The following TLK1 variants were observed in gnomAD, a reference collection of about 807,000 sequenced individuals.
TLK1 encodes the protein tousled like kinase 1, also known as serine/threonine-protein kinase tousled-like 1.
A neutral mutation model predicts 105.3 loss-of-function variants in TLK1; 24 were observed. The ratio of observed to expected loss-of-function variants is 0.23; its 90% confidence interval spans 0.17 to 0.32. The LOEUF (loss-of-function observed/expected upper bound fraction) is 0.32, where lower values mean the gene tolerates loss of function less well. Ranked by LOEUF, TLK1 falls within the 10% of genes least tolerant of loss-of-function variation. The probability of loss-of-function intolerance (pLI) is 1.00; values close to 1 mark genes in which losing one functional copy is unlikely to be tolerated. For synonymous variants in TLK1, 321 were observed against 310.4 expected (o/e 1.03, Z -0.36); for missense variants, 558 against 910.5 (o/e 0.61, Z 4.98).
intron 6 of TLK1, among the ~76,000 whole-genome samples, chr2:171,055,815 A>G (rs1042401344): frequency 5.9e-5 from 9 of 151,930 alleles, no homozygotes; most frequent in Non-Finnish European, 1.3e-4. Context: ...TAAAAACAAG[A>G]TGTTTGAATA....
chr2:171,088,835 C>T (rs1689096028), intron 2 of TLK1, among the ~76,000 whole-genome samples: 1 of 152,164 alleles, frequency 6.6e-6, no homozygotes, highest in Non-Finnish European at 1.5e-5. Context: ...CAAGAAGCAA[C>T]CAGAGAATCT....
intron 3 of TLK1, among the ~76,000 whole-genome samples, chr2:171,067,706 A>G (rs1278790061): frequency 2.0e-5 from 3 of 152,046 alleles, no homozygotes; most frequent in South Asian, 2.1e-4. Flanking sequence ...GTGGTTTGCT[A>G]TAACCATCAA....
At chr2:171,089,308 T>C (rs912134802) in intron 2 of TLK1, among the ~76,000 whole-genome samples, 10 of 152,258 alleles carry the variant, frequency 6.6e-5, no homozygotes, top group African/African-American at 2.4e-4. Flanking sequence ...GTTTTTCTTC[T>C]TGGCTACTGC....
intron 12 of TLK1, among the ~76,000 whole-genome samples, chr2:171,027,227 A>G (rs534168375): frequency 1.3e-5 from 2 of 152,134 alleles, no homozygotes; most frequent in Non-Finnish European, 2.9e-5. Context: ...ACTATCTCCA[A>G]TTAGTTCACT....
Position 171,055,130 on chromosome 2 carries a change from C to T in TLK1, c.592G>A (p.Asp198Asn). 2.0e-6 allele frequency: 3 copies of T among 1,504,444 alleles called. No individual in the cohort carries two copies. The highest frequency in any genetic ancestry group is 2.6e-6 in the Non-Finnish European group (3 of 1,133,538). 93.2% of individuals were successfully genotyped at this position (1,504,444 alleles called of 1,614,324 possible). The change falls in exon 7 of 21, where the codon GAC becomes AAC. Residue 198 changes from aspartate (D) to asparagine (N), a missense_variant. By Grantham distance (23) the Asp-to-Asn change is conservative (BLOSUM62 1). Coordinates refer to ENST00000431350, the MANE Select transcript of TLK1 (RefSeq NM_012290.5). The stretch of plus-strand genomic sequence containing the variant: ...TGCTTTGGTTGTACAATAGGGTGGT[C>T]CCCAAATGCTAATGCAGTAGGAGAA... ...SPSPTALAFG[D>N]HPIVQPKQLS...
At chr2:171,072,222 C>T (rs900967138) in intron 3 of TLK1, among the ~76,000 whole-genome samples, 2 of 152,196 alleles carry the variant, frequency 1.3e-5, no homozygotes, top group African/African-American at 4.8e-5. Flanking sequence ...TGCTTCCATT[C>T]CATGACCATG....
rs1465298574 is a variant in TLK1, at chr2:170,992,374, G to C, written c.*1406C>G. ...ATGAACAACTTACATGTAAGTATCAGCATTATGAATGTGACAATAAAGAAA... is the reference window on the plus strand; with the variant it reads ...ATGAACAACTTACATGTAAGTATCACCATTATGAATGTGACAATAAAGAAA... On this transcript the variant is annotated 3_prime_UTR_variant, in exon 21 of 21. Transcript: ENST00000431350. 1 of 152,408 alleles carries C rather than the reference G, an allele frequency of 6.6e-6. No individual in the cohort carries two copies. Among genetic ancestry groups the C allele is most frequent in the African/African-American group, 2.4e-5 (1 of 41,432 alleles). The allele number at this position is 152,408 out of a possible 1,614,324, so 9.4% of individuals were successfully genotyped here.
intron 1 of TLK1, among the ~76,000 whole-genome samples, chr2:171,121,491 A>T (rs1295403161): frequency 6.6e-6 from 1 of 152,214 alleles, no homozygotes; most frequent in Non-Finnish European, 1.5e-5. Flanking sequence ...AGATTGCACC[A>T]CTGCACTCCA....
intron 2 of TLK1, among the ~76,000 whole-genome samples, chr2:171,098,691 C>A (rs1234673684): frequency 6.6e-6 from 1 of 152,108 alleles, no homozygotes; most frequent in Non-Finnish European, 1.5e-5. Context: ...AGATCAATAT[C>A]CCTTACAAAT....
intron 10 of TLK1, among the ~76,000 whole-genome samples, chr2:171,048,526 C>G (rs1261043747): frequency 8.9e-6 from 1 of 112,224 alleles, no homozygotes; most frequent in Non-Finnish European, 2.0e-5. Flanking sequence ...AATATTTTCA[C>G]ATTACCATCA....
Position 171,207,768 on chromosome 2 carries a change from T to C in TLK1, c.-6+23377A>G, listed in dbSNP as rs550862166. ...ATCACTTTCTTTTTGTCACCCAGGC[T>C]GGAGTACAGTGGCATGATCTCGGCT... On this transcript the variant is annotated intron_variant, in intron 1 of 20. Coordinates refer to the TLK1 transcript ENST00000521943. Among the ~76,000 whole-genome samples, 5 of 152,304 alleles carry C rather than the reference T, an allele frequency of 3.3e-5. No homozygotes were observed. In the South Asian group the frequency reaches 1.0e-3, roughly 32 times the overall value.
chr2:171,001,336 G>C (rs1352077618), intron 18 of TLK1, among the ~76,000 whole-genome samples: 1 of 152,098 alleles, frequency 6.6e-6, no homozygotes, highest in Non-Finnish European at 1.5e-5. Context: ...GTTGTGTTTG[G>C]GGACTCATGG....
chr2:171,112,085 G>C (rs1004767814), intron 2 of TLK1, among the ~76,000 whole-genome samples: 2 of 152,240 alleles, frequency 1.3e-5, no homozygotes, highest in East Asian at 3.9e-4. Context: ...CCAAGTAGCT[G>C]GGACTATAGG....
At chr2:171,019,004 A>G (rs895421658) in intron 12 of TLK1, among the ~76,000 whole-genome samples, 6 of 152,256 alleles carry the variant, frequency 3.9e-5, no homozygotes, top group African/African-American at 1.4e-4. Context: ...GTATTTTAAA[A>G]TAAAATCTAA....
At position 171,018,474 on chromosome 2, in the gene TLK1, T is replaced by G. The variant is rs367592979; in HGVS notation, c.1237-3526A>C. Among the ~76,000 whole-genome samples, 571 of 152,350 alleles carry G rather than the reference T, an allele frequency of 3.7e-3. 4 individuals carry two copies. The highest frequency in any genetic ancestry group is 5.6e-3 in the South Asian group (27 of 4,830). On this transcript the variant is annotated intron_variant, in intron 12 of 20. Coordinates refer to ENST00000431350, the MANE Select transcript of TLK1 (RefSeq NM_012290.5). ...GGTACAATAGTTTGAACAACTTATC[T>G]TTGCTACAGATCATTTCCAAAGATC...
chr2:171,120,306 C>T (rs1690603461), intron 1 of TLK1, among the ~76,000 whole-genome samples: 1 of 133,198 alleles, frequency 7.5e-6, no homozygotes, highest in Non-Finnish European at 1.6e-5. Context: ...TGGACTTCAT[C>T]AAAATTAAAA....
chr2:171,224,278 A>G (rs111704648), intron 1 of TLK1, among the ~76,000 whole-genome samples: 8,357 of 152,116 alleles, frequency 0.055, 491 homozygotes, highest in East Asian at 0.25. Flanking sequence ...CTTATTTCTG[A>G]GTTATCTATT....
At chr2:171,097,803 T>C (rs2105499914) in intron 2 of TLK1, among the ~76,000 whole-genome samples, 1 of 152,030 alleles carries the variant, frequency 6.6e-6, no homozygotes, top group South Asian at 2.1e-4. Context: ...CGGGTGCCCA[T>C]AATCCCTGCT....
chr2:171,012,473 T>TTTTA (rs926848747), intron 13 of TLK1, among the ~76,000 whole-genome samples: 7 of 152,240 alleles, frequency 4.6e-5, no homozygotes, highest in Admixed American at 2.6e-4. Flanking sequence ...TACACTGTAT[T>TTTTA]TTTATTTATT....
Sources: gnomAD v4.1 joint callset for allele counts (sites outside exome capture counted in the v4.1 genomes callset) on GRCh38, gnomAD v4.1.1 for gene constraint, MANE v1.5 for transcripts, NCBI Gene and HGNC (gene_info 2026-07-23, HGNC 2026-07-21) for gene names.